Variants in IL4I1 observed in about 807,000 individuals in gnomAD.
The protein encoded by IL4I1 is interleukin 4 induced 1.
In IL4I1, 24 loss-of-function variants were observed where a neutral mutation model predicts 29.7. The observed-to-expected ratio is 0.81, with a 90% CI of 0.59 to 1.14. IL4I1 has a LOEUF of 1.14. Ranked by LOEUF, IL4I1 falls within the 50% of genes most tolerant of loss-of-function variation. IL4I1 has a pLI of 0.00. For missense variants in IL4I1, 686 were observed against 785.6 expected, an observed-to-expected ratio of 0.87 and a Z score of 1.52; for synonymous variants, 371 against 352.5, an observed-to-expected ratio of 1.05 and a Z score of -0.59.
chr19:49,910,178 TGAG>T (rs1440068278), intron 2 of IL4I1, among the ~76,000 whole-genome samples: 9 of 152,188 alleles, frequency 5.9e-5, no homozygotes, highest in South Asian at 2.1e-4. Flanking sequence ...CACCTCAGCC[TGAG>T]GAGATCAGAT....
chr19:49,889,886 C>T lies in IL4I1; in HGVS notation c.1488G>A (p.Ser496=). The change falls in exon 8 of 8, where the codon TCG becomes TCA. Residue 496 remains serine (S), a synonymous_variant. Transcript: ENST00000391826. ...PHGWVETAVK[S]ALRAAIKINS... ...TGATCTTGATGGCGGCGCGCAGCGC[C>T]GACTTGACCGCCGTCTCCACCCAGC... 1.2e-6 allele frequency: 2 copies of T among 1,605,890 alleles called. No homozygotes were observed. Among genetic ancestry groups the T allele is most frequent in the Non-Finnish European group, 1.7e-6 (2 of 1,176,060 alleles).
At chr19:49,923,959 A>G (rs1310792271) in intron 2 of IL4I1, among the ~76,000 whole-genome samples, 1 of 152,250 alleles carries the variant, frequency 6.6e-6, no homozygotes, top group Non-Finnish European at 1.5e-5. Context: ...TGTCTGATGC[A>G]AAACTCGGAG....
In IL4I1 at chr19:49,890,206, C is replaced by CGCGCGGCGGCGGGTAGAAAATCAT; in HGVS notation, c.1144_1167dup (p.Met382_Arg389dup). The CGCGCGGCGGCGGGTAGAAAATCAT allele has an allele frequency of 6.5e-7, 1 of 1,546,942 alleles. No homozygotes were observed. The highest frequency in any genetic ancestry group is 8.7e-7 in the Non-Finnish European group (1 of 1,144,386). On this transcript the variant is annotated inframe_insertion, in exon 8 of 8. Coordinates refer to ENST00000391826, the MANE Select transcript of IL4I1 (RefSeq NM_152899.2). ...TACGAGGCCAGCAGCAGCGCGCCCT[C>CGCGCGGCGGCGGGTAGAAAATCAT]GCGCGGCGGCGGGTAGAAAATCATG...
intron 2 of IL4I1, chr19:49,909,737 G>A (rs368912855): frequency 2.0e-5 from 33 of 1,614,016 alleles, no homozygotes; most frequent in Non-Finnish European, 2.6e-5. Flanking sequence ...TGTGGTTGTT[G>A]CCGTCTTTGC....
In IL4I1 at chr19:49,909,423, C is replaced by T. The variant is rs768109370; in HGVS notation, c.-227-5102G>A. ...GGTGCTGTGCCCTGGCTGGAGGTGA[C>T]GGTGCTCGATATGGCATTAGTGAGG... On this transcript the variant is annotated intron_variant, in intron 2 of 9. Transcript: ENST00000341114. 3.2e-5 allele frequency: 52 copies of T among 1,613,732 alleles called. No individual in the cohort carries two copies. Among genetic ancestry groups the T allele is most frequent in the East Asian group, 8.9e-5 (4 of 44,886 alleles).
intron 2 of IL4I1, among the ~76,000 whole-genome samples, chr19:49,927,230 A>T (rs116748042): frequency 1.3e-5 from 2 of 152,110 alleles, no homozygotes; most frequent in African/African-American, 4.8e-5. Context: ...GGAAATGGCC[A>T]GGGTCACACA....
At chr19:49,890,930 CCCCCCGCCCCCCCCCCCT>C in intron 7 of IL4I1, 23 bp downstream of exon 7, 2 of 299,420 alleles carry the variant, frequency 6.7e-6, no homozygotes, top group Non-Finnish European at 1.2e-5. Flanking sequence ...TCCCTGATTG[CCCCCCGCCCCCCCCCCCT>C]GCCCGCCAGC....
chr19:49,893,350 G>A (rs546143685), intron 5 of IL4I1, among the ~76,000 whole-genome samples: 7 of 151,262 alleles, frequency 4.6e-5, no homozygotes, highest in South Asian at 2.1e-4. Flanking sequence ...GGGCACAAGC[G>A]TCAGGCGGCA....
rs372496464 is a variant in IL4I1 at position 49,889,951 on chromosome 19, G to A, written c.1423C>T (p.Arg475Cys). ...GTGTGCTCGCCGGCAAAGTAGATGC[G>A]GCCATAAGGGACCGTCCAGTCATCC... ...EKDDWTVPYG[R>C]IYFAGEHTAY... is the part of the protein sequence containing the mutation. The change falls in exon 8 of 8, where the codon CGC (arginine) becomes TGC (cysteine). Residue 475 changes from arginine to cysteine, a missense_variant. Coordinates refer to ENST00000391826, the MANE Select transcript of IL4I1 (RefSeq NM_152899.2). The A allele has an allele frequency of 1.9e-6, 3 of 1,595,684 alleles. No homozygotes were observed. The highest frequency in any genetic ancestry group is 2.7e-5 in the African/African-American group (2 of 74,342).
intron 2 of IL4I1, chr19:49,907,515 G>A (rs1568695595): frequency 1.6e-5 from 7 of 437,114 alleles, no homozygotes; most frequent in Non-Finnish European, 2.2e-5. Flanking sequence ...TCGAAAACTA[G>A]GCTGCTGTCT....
chr19:49,903,037 C>G (rs1355107589), intron 3 of IL4I1, among the ~76,000 whole-genome samples: 1 of 152,016 alleles, frequency 6.6e-6, no homozygotes, highest in Non-Finnish European at 1.5e-5. Context: ...ATCGCTTGAA[C>G]CCGGGAGGCA....
chr19:49,917,992 C>T (rs1269567728), intron 2 of IL4I1, among the ~76,000 whole-genome samples: 3 of 151,874 alleles, frequency 2.0e-5, no homozygotes, highest in African/African-American at 4.8e-5. Flanking sequence ...GGTGACAGAG[C>T]GAGACTCTGT....
intron 2 of IL4I1, chr19:49,913,252 G>GT (rs891394624): frequency 1.3e-5 from 2 of 152,364 alleles, no homozygotes; most frequent in African/African-American, 4.8e-5. Context: ...GTGTGAAGGA[G>GT]TGACTTGGCA....
intron 7 of IL4I1, 27 bp downstream of exon 7, chr19:49,890,944 C>CG (rs1555817608): frequency 2.1e-5 from 14 of 676,742 alleles, no homozygotes; most frequent in South Asian, 1.4e-4. Context: ...CCGCCCCCCC[C>CG]CCCTGCCCGC....
intron 2 of IL4I1, among the ~76,000 whole-genome samples, chr19:49,926,163 G>A (rs1452280543): frequency 1.4e-5 from 2 of 147,544 alleles, no homozygotes; most frequent in Non-Finnish European, 1.5e-5. Context: ...GAGCTGTGAC[G>A]GTGCCACTGC....
upstream of IL4I1, among the ~76,000 whole-genome samples, chr19:49,897,605 C>T (rs544132180): frequency 6.6e-6 from 1 of 152,310 alleles, no homozygotes; most frequent in East Asian, 1.9e-4. Flanking sequence ...CAGGGGCACT[C>T]AGGGGTTCTA....
In IL4I1 at chr19:49,890,473, T is replaced by C. The variant is rs2075118405; in HGVS notation, c.901A>G (p.Ile301Val). The change falls in exon 8 of 8, where the codon ATC (isoleucine) becomes GTC (valine). Residue 301 changes from isoleucine to valine, a missense_variant. Physicochemically the swap from Ile to Val is conservative, Grantham distance 29. Coordinates refer to ENST00000391826, the MANE Select transcript of IL4I1 (RefSeq NM_152899.2). ...TQGPHDVHVQ[I>V]ETSPPARNLK... ...TTCCGCGCCGGGGGAGAGGTCTCGA[T>C]CTGCACGTGCACATCGTGCGGTCCC... 6.2e-7 allele frequency: 1 copy of C among 1,612,028 alleles called. No individual in the cohort carries two copies. The highest frequency in any genetic ancestry group is 8.5e-7 in the Non-Finnish European group (1 of 1,179,810).
At chr19:49,914,498 C>T (rs566662170) in intron 2 of IL4I1, among the ~76,000 whole-genome samples, 1 of 152,170 alleles carries the variant, frequency 6.6e-6, no homozygotes, top group South Asian at 2.1e-4. Flanking sequence ...CCCTTCCTGC[C>T]TGCCTGCCCC....
chr19:49,901,571 TC>T, upstream of IL4I1: 4 of 1,113,592 alleles, frequency 3.6e-6, no homozygotes, highest in Non-Finnish European at 4.9e-6. Flanking sequence ...CAGGACAGGG[TC>T]CCCCTTCCCA....
Sources: allele counts gnomAD v4.1 joint callset (sites outside exome capture counted in the v4.1 genomes callset), GRCh38; gene constraint gnomAD v4.1.1; transcripts MANE v1.5; gene names NCBI Gene and HGNC (gene_info 2026-07-23, HGNC 2026-07-21).